Variants in TRIM55 observed in about 807,000 individuals in gnomAD.
TRIM55 encodes tripartite motif-containing protein 55.
In TRIM55, 50 loss-of-function variants were observed where a neutral mutation model predicts 60.9. The observed-to-expected ratio is 0.82, with a 90% CI of 0.65 to 1.04. The LOEUF (loss-of-function observed/expected upper bound fraction) is 1.04, where lower values mean the gene tolerates loss of function less well. Among genes scored for constraint, TRIM55 ranks in the 50% least tolerant of loss-of-function variants. The probability of loss-of-function intolerance (pLI) is 0.00; values close to 1 mark genes in which losing one functional copy is unlikely to be tolerated. For missense variants in TRIM55, 681 were observed against 666.9 expected, an observed-to-expected ratio of 1.02 and a Z score of -0.23; for synonymous variants, 237 against 238.1, an observed-to-expected ratio of 1.00 and a Z score of 0.04.
At chr8:66,123,989 A>G (rs756365769), upstream of TRIM55, among the ~76,000 whole-genome samples, 5 of 152,202 alleles carry the variant, frequency 3.3e-5, no homozygotes, top group Non-Finnish European at 7.3e-5. Context: ...CAAGACCACA[A>G]AGGGAGGTAG....
At chr8:66,141,583 C>T (rs1475378556) in intron 4 of TRIM55, among the ~76,000 whole-genome samples, 1 of 152,212 alleles carries the variant, frequency 6.6e-6, no homozygotes, top group Non-Finnish European at 1.5e-5. Flanking sequence ...ACATAATCTA[C>T]CTCTTGTGAA....
intron 9 of TRIM55, among the ~76,000 whole-genome samples, chr8:66,168,189 A>G (rs1037011250): frequency 1.3e-5 from 2 of 152,194 alleles, no homozygotes; most frequent in African/African-American, 4.8e-5. Context: ...CCAAACAGAA[A>G]TGTCTGCATT....
chr8:66,159,014 A>C (rs1013485271), intron 9 of TRIM55, among the ~76,000 whole-genome samples: 1 of 152,248 alleles, frequency 6.6e-6, no homozygotes, highest in Admixed American at 6.5e-5. Flanking sequence ...GAAATGAAAG[A>C]TGTGATTTTT....
At chr8:66,125,568 C>A (rs548236652), upstream of TRIM55, among the ~76,000 whole-genome samples, 13 of 152,330 alleles carry the variant, frequency 8.5e-5, no homozygotes, top group African/African-American at 3.1e-4. Flanking sequence ...ACTCAGACCT[C>A]CCCTCCATAG....
intron 9 of TRIM55, among the ~76,000 whole-genome samples, chr8:66,159,286 A>C (rs1477798561): frequency 2.0e-5 from 3 of 152,218 alleles, no homozygotes; most frequent in African/African-American, 7.2e-5. Context: ...GAAAACATAC[A>C]GTATTGTATG....
At chr8:66,134,129 C>T (rs956019463) in intron 2 of TRIM55, among the ~76,000 whole-genome samples, 3 of 152,158 alleles carry the variant, frequency 2.0e-5, no homozygotes, top group Non-Finnish European at 4.4e-5. Flanking sequence ...CTCATAAAAA[C>T]CTGTAGTTTT....
intron 2 of TRIM55, among the ~76,000 whole-genome samples, chr8:66,133,696 A>G (rs1349964886): frequency 2.0e-5 from 3 of 152,244 alleles, no homozygotes; most frequent in African/African-American, 7.2e-5. Flanking sequence ...ATCTCAAGTA[A>G]TTGACGTCCA....
chr8:66,113,462 C>T, the TRIM55 span: 113 of 452,344 alleles, frequency 2.5e-4, no homozygotes, highest in Non-Finnish European at 4.4e-4. Context: ...TCGAAGGAGA[C>T]AAGTGCGGTT....
rs773806497 is a variant in TRIM55, at chr8:66,150,370, AT to A, written c.890del (p.Met297ArgfsTer4). 6 of 1,614,126 alleles carry A rather than the reference AT, an allele frequency of 3.7e-6. No homozygotes were observed. The African/African-American group carries it at 8.0e-5, about 22-fold the overall frequency. ...CTCGGAAGCATCAAAGGCATTTCAG[AT>A]GGAGAAAATAGAACATGGCTATGAG... is the stretch of plus-strand genomic sequence containing the variant. ...KISEASKAFQMEKIEHGYENM... is the reference protein window; with the variant it reads ...KISEASKAFQXEKIEHGYENM... On this transcript the variant is annotated frameshift_variant, in exon 7 of 10. Coordinates refer to ENST00000315962, the MANE Select transcript of TRIM55 (RefSeq NM_184085.2). LOFTEE classifies it high-confidence loss of function.
chr8:66,127,834 CA>C (rs1014026506), intron 1 of TRIM55, among the ~76,000 whole-genome samples: 1 of 151,876 alleles, frequency 6.6e-6, no homozygotes, highest in African/African-American at 2.4e-5. Context: ...GACTCTGTCT[CA>C]AAAAAAGAAA....
chr8:66,132,795 G>A (rs1198693001), intron 2 of TRIM55, among the ~76,000 whole-genome samples: 2 of 150,806 alleles, frequency 1.3e-5, no homozygotes, highest in Admixed American at 1.3e-4. Context: ...CTCTGGGGCT[G>A]GGCTACAACC....
At chr8:66,145,029 C>T (rs1810027706) in intron 4 of TRIM55, among the ~76,000 whole-genome samples, 1 of 152,088 alleles carries the variant, frequency 6.6e-6, no homozygotes, top group Admixed American at 6.6e-5. Context: ...CCTCTGAGAA[C>T]ATTTTTTTTT....
the TRIM55 span, chr8:66,113,410 C>T: frequency 3.8e-5 from 16 of 423,472 alleles, no homozygotes; most frequent in Middle Eastern, 1.9e-3. Flanking sequence ...GTAGCTACTT[C>T]CTCAGCAGGA....
At chr8:66,146,325 C>A (rs1392374338) in intron 4 of TRIM55, among the ~76,000 whole-genome samples, 1 of 151,900 alleles carries the variant, frequency 6.6e-6, no homozygotes, top group African/African-American at 2.4e-5. Flanking sequence ...CTTGGAATTG[C>A]AAGTAATATA....
At chr8:66,121,428 A>G in the TRIM55 span, among the ~76,000 whole-genome samples, 1 of 152,296 alleles carries the variant, frequency 6.6e-6, no homozygotes, top group African/African-American at 2.4e-5. Context: ...GTCCTTCTAT[A>G]TAAACCAAAA....
intron 8 of TRIM55, among the ~76,000 whole-genome samples, chr8:66,153,519 T>A (rs1005947920): frequency 2.0e-5 from 3 of 152,220 alleles, no homozygotes; most frequent in African/African-American, 7.2e-5. Context: ...GAACTGTATT[T>A]CTATGCTCTG....
intron 4 of TRIM55, among the ~76,000 whole-genome samples, chr8:66,141,330 G>A (rs370592477): frequency 2.0e-5 from 3 of 152,142 alleles, no homozygotes; most frequent in Non-Finnish European, 4.4e-5. Flanking sequence ...TTTTACCTCC[G>A]CTTCTTGAGA....
intron 4 of TRIM55, among the ~76,000 whole-genome samples, chr8:66,137,630 A>T (rs1809556421): frequency 6.6e-6 from 1 of 152,076 alleles, no homozygotes; most frequent in South Asian, 2.1e-4. Context: ...CATAAGGAGG[A>T]GAAAGATCTG....
the TRIM55 span, among the ~76,000 whole-genome samples, chr8:66,114,082 A>ACCCCCCCC: frequency 4.0e-5 from 3 of 75,322 alleles, no homozygotes; most frequent in South Asian, 5.6e-4. Flanking sequence ...AAGGAGAGAC[A>ACCCCCCCC]CCCCCCCCCC....
Sources: allele counts gnomAD v4.1 joint callset (sites outside exome capture counted in the v4.1 genomes callset), GRCh38; gene constraint gnomAD v4.1.1; transcripts MANE v1.5; gene names NCBI Gene and HGNC (gene_info 2026-07-23, HGNC 2026-07-21).